Variants in FAT1 observed in about 807,000 individuals in gnomAD.
FAT1 encodes protocadherin Fat 1.
FAT1 carries 171 observed loss-of-function variants against 329.8 expected under a neutral mutation model. The observed-to-expected ratio is 0.52, with a 90% CI of 0.46 to 0.59. The LOEUF (loss-of-function observed/expected upper bound fraction) is 0.59. FAT1 is among the 20% of genes least tolerant of loss of function. The pLI, the probability that FAT1 is intolerant of heterozygous loss-of-function variation, is 0.00. For synonymous variants in FAT1, 2,233 were observed against 2,228.6 expected, an observed-to-expected ratio of 1.00 and a Z score of -0.06; for missense variants, 5,672 against 5,774.4, an observed-to-expected ratio of 0.98 and a Z score of 0.57.
intron 2 of FAT1, among the ~76,000 whole-genome samples, chr4:186,665,292 C>T (rs1024781045): frequency 6.6e-6 from 1 of 152,194 alleles, no homozygotes; most frequent in Non-Finnish European, 1.5e-5. Flanking sequence ...AATGGTTGAA[C>T]TAGTTTACAG....
At position 186,593,991 on chromosome 4, in the gene FAT1, T is replaced by C. The variant is rs77137016; in HGVS notation, c.13138+1698A>G. Among the ~76,000 whole-genome samples the C allele has an allele frequency of 5.7e-3, 867 of 152,312 alleles. 3 individuals carry two copies. Among genetic ancestry groups the C allele is most frequent in the Admixed American group, 8.4e-3 (128 of 15,312 alleles). Reference sequence around the variant, plus strand: ...TAAAATAAAAACACTCCTGTATATATGTTTTTTCTCTGCATTGTACTATCT... The same window carrying C: ...TAAAATAAAAACACTCCTGTATATACGTTTTTTCTCTGCATTGTACTATCT... On this transcript the variant is annotated intron_variant, in intron 26 of 26. Transcript: ENST00000441802.
intron 3 of FAT1, among the ~76,000 whole-genome samples, chr4:186,654,344 G>A (rs1560969117): frequency 1.3e-5 from 2 of 152,144 alleles, no homozygotes; most frequent in South Asian, 4.1e-4. Flanking sequence ...TTCTGTTCCA[G>A]CCCTATCCAA....
At position 186,629,817 on chromosome 4, in the gene FAT1, C is replaced by T. The variant is rs541138101; in HGVS notation, c.4324-1054G>A. Among the ~76,000 whole-genome samples the T allele has an allele frequency of 1.3e-3, 205 of 152,292 alleles. 6 individuals are homozygous for T. The highest frequency in any genetic ancestry group is 9.3e-3 in the Admixed American group (143 of 15,304). ...AATTCCAGATGCATCCACCAAACCA[C>T]GGAAAGGTTGCATGTGAAAGCTATG... On this transcript the variant is annotated intron_variant, in intron 7 of 26. Coordinates refer to ENST00000441802, the MANE Select transcript of FAT1 (RefSeq NM_005245.4).
intron 2 of FAT1, among the ~76,000 whole-genome samples, chr4:186,695,701 A>G (rs183683722): frequency 3.0e-4 from 46 of 152,166 alleles, no homozygotes; most frequent in Non-Finnish European, 6.5e-4. Flanking sequence ...TGGAAGTCAA[A>G]TGACAAAAGC....
chr4:186,658,684 T>C (rs759723988), intron 3 of FAT1, among the ~76,000 whole-genome samples: 9 of 152,188 alleles, frequency 5.9e-5, no homozygotes, highest in Non-Finnish European at 1.2e-4. Flanking sequence ...TCACCATTCC[T>C]TCAAATTGTC....
Position 186,679,367 on chromosome 4 carries a change from A to T in FAT1, c.3266-15754T>A, listed in dbSNP as rs550585049. The stretch of plus-strand genomic sequence containing the variant: ...GGGAGGCGGAGCTTGCAGTGAGCTG[A>T]GATCGCACCACTGCACTCCAGCCTG... On this transcript the variant is annotated intron_variant, in intron 2 of 26. Transcript: ENST00000441802. Among the ~76,000 whole-genome samples the T allele has an allele frequency of 1.2e-3, 173 of 140,634 alleles. 1 individual carries two copies. Among genetic ancestry groups the T allele is most frequent in the Non-Finnish European group, 3.0e-4 (20 of 65,848 alleles). 92.3% of individuals were successfully genotyped at this position (140,634 alleles called of 152,430 possible).
rs1739835275 is a variant in FAT1 at position 186,618,427 on chromosome 4, G to A, written c.8159C>T (p.Thr2720Ile). 9.3e-6 allele frequency: 15 copies of A among 1,614,042 alleles called. No individual in the cohort carries two copies. The highest frequency in any genetic ancestry group is 1.3e-5 in the Non-Finnish European group (15 of 1,179,898). The change falls in exon 10 of 27, where the codon ACA becomes ATA. Residue 2720 changes from threonine (T) to isoleucine (I), a missense_variant. Physicochemically the swap from Thr to Ile is moderately conservative, Grantham distance 89. Coordinates refer to ENST00000441802, the MANE Select transcript of FAT1 (RefSeq NM_005245.4). ...FTVSEDVPIG[T>I]EIDLIRAEHS... ...TTCTGCTCGGATGAGATCTATCTCT[G>A]TTCCAATAGGCACGTCCTCTGACAC...
In FAT1 at chr4:186,596,604, G is replaced by T; in HGVS notation, c.12936C>A (p.Pro4312=). The T allele has an allele frequency of 6.2e-7, 1 of 1,612,634 alleles. No individual in the cohort carries two copies. Among genetic ancestry groups the T allele is most frequent in the Non-Finnish European group, 8.5e-7 (1 of 1,179,384 alleles). Residue 4312 remains proline, a synonymous_variant, in exon 25 of 27, where the codon CCC becomes CCA. Coordinates refer to ENST00000441802, the MANE Select transcript of FAT1 (RefSeq NM_005245.4). The surrounding 1 kb of genome is among the most constrained non-coding windows in gnomAD (Gnocchi z 4.7). ...CSVAPNLPPP[P]PSNSPSDSDS... is the part of the protein sequence containing the mutation. ...CGCTGTCAGAAGGGGAGTTTGAAGG[G>T]GGTGGGGGAGGCAGGTTTGGCGCCA...
At chr4:186,591,997 AG>A (rs1366584238) in intron 26 of FAT1, among the ~76,000 whole-genome samples, 1 of 152,178 alleles carries the variant, frequency 6.6e-6, no homozygotes, top group Non-Finnish European at 1.5e-5. Context: ...GTCCCAACCC[AG>A]ACCTGTTGGA....
chr4:186,719,690 C>A (rs192659728), intron 1 of FAT1, among the ~76,000 whole-genome samples: 2 of 152,208 alleles, frequency 1.3e-5, no homozygotes, highest in Non-Finnish European at 2.9e-5. Context: ...TCTATGTATT[C>A]GAGAAATTGA....
Position 186,639,760 on chromosome 4 carries a change from T to A in FAT1, c.3604A>T (p.Lys1202Ter), listed in dbSNP as rs751878792. The stretch of plus-strand genomic sequence containing the variant: ...TCATCTTGCTGTTCTCGGTCTAGCT[T>A]CCTTGACGTAGTTGTGATGAGACCT... ...KTGLITTTSR[K>*]LDREQQDEHI... The change falls in exon 4 of 27, where the codon AAG (lysine) becomes TAG (stop). Residue 1202 changes from lysine to a stop codon, truncating the protein, a stop_gained. Coordinates refer to ENST00000441802, the MANE Select transcript of FAT1 (RefSeq NM_005245.4). LOFTEE classifies it high-confidence loss of function. 6.2e-7 allele frequency: 1 copy of A among 1,613,332 alleles called. No homozygotes were observed. Among genetic ancestry groups the A allele is most frequent in the Non-Finnish European group, 8.5e-7 (1 of 1,179,526 alleles).
At chr4:186,710,280 G>A (rs1744891721) in intron 1 of FAT1, among the ~76,000 whole-genome samples, 1 of 152,124 alleles carries the variant, frequency 6.6e-6, no homozygotes, top group African/African-American at 2.4e-5. Context: ...TGCCCCTACA[G>A]TATTGTGAGA....
At chr4:186,657,131 T>C (rs1172959418) in intron 3 of FAT1, among the ~76,000 whole-genome samples, 1 of 152,154 alleles carries the variant, frequency 6.6e-6, no homozygotes, top group Non-Finnish European at 1.5e-5. Context: ...TATGCACCCC[T>C]ATGTGATGTC....
At chr4:186,716,398 T>C (rs1745205007) in intron 1 of FAT1, among the ~76,000 whole-genome samples, 1 of 152,116 alleles carries the variant, frequency 6.6e-6, no homozygotes, top group Non-Finnish European at 1.5e-5. Flanking sequence ...GTCACATTTT[T>C]AAAGTATTTT....
At chr4:186,674,974 C>T (rs1742888305) in intron 2 of FAT1, among the ~76,000 whole-genome samples, 1 of 152,118 alleles carries the variant, frequency 6.6e-6, no homozygotes, top group Non-Finnish European at 1.5e-5. Context: ...GTCAAGGTTG[C>T]AGTGAGCCGA....
At chr4:186,682,094 C>T (rs78287417) in intron 2 of FAT1, among the ~76,000 whole-genome samples, 3,587 of 152,164 alleles carry the variant, frequency 0.024, 172 homozygotes, top group East Asian at 0.16. Context: ...CATATGGAGG[C>T]GATAAGGGAC....
At chr4:186,594,325 T>G (rs754569598) in intron 26 of FAT1, among the ~76,000 whole-genome samples, 2 of 151,926 alleles carry the variant, frequency 1.3e-5, no homozygotes, top group Non-Finnish European at 2.9e-5. Flanking sequence ...CCTCCCAAAG[T>G]GCTGGGATTA....
chr4:186,671,693 C>T (rs894647005), intron 2 of FAT1, among the ~76,000 whole-genome samples: 10 of 150,628 alleles, frequency 6.6e-5, no homozygotes, highest in African/African-American at 2.0e-4. Context: ...AGCGAAACTC[C>T]GTCTCAAAAA....
chr4:186,623,731 C>T (rs72716265), intron 9 of FAT1, among the ~76,000 whole-genome samples: 32,894 of 152,144 alleles, frequency 0.22, 4,515 homozygotes, highest in Non-Finnish European at 0.31. Context: ...CATCTCAGAG[C>T]CCCAGTGTCT....
Sources: gnomAD v4.1 joint callset for allele counts (sites outside exome capture counted in the v4.1 genomes callset) on GRCh38, gnomAD v4.1.1 for gene constraint, Gnocchi (gnomAD v3.1) non-coding constraint, MANE v1.5 for transcripts, NCBI Gene and HGNC (gene_info 2026-07-23, HGNC 2026-07-21) for gene names.